Variants in FRAS1 observed in about 807,000 individuals in gnomAD.
The protein encoded by FRAS1 is extracellular matrix organizing protein FRAS1.
A neutral mutation model predicts 435.2 loss-of-function variants in FRAS1; 290 were observed. The ratio of observed to expected loss-of-function variants is 0.67; its 90% CI spans 0.61 to 0.73. The LOEUF (loss-of-function observed/expected upper bound fraction) is 0.73, where lower values mean the gene tolerates loss of function less well. Among genes scored for constraint, FRAS1 ranks in the 30% least tolerant of loss-of-function variants. The probability of loss-of-function intolerance (pLI) is 0.00; values close to 1 mark genes in which losing one functional copy is unlikely to be tolerated. For synonymous variants in FRAS1, 1,800 were observed against 1,851.0 expected (o/e 0.97, Z 0.71); for missense variants, 4,860 against 5,001.5 (o/e 0.97, Z 0.85).
At chr4:78,461,655 A>C (rs969209817) in intron 47 of FRAS1, among the ~76,000 whole-genome samples, 2 of 152,236 alleles carry the variant, frequency 1.3e-5, no homozygotes, top group Non-Finnish European at 2.9e-5. Context: ...GTGAGAATAT[A>C]AAATGGTACT....
At chr4:78,088,420 T>G (rs2109892347) in intron 2 of FRAS1, among the ~76,000 whole-genome samples, 1 of 151,496 alleles carries the variant, frequency 6.6e-6, no homozygotes, top group South Asian at 2.1e-4. Context: ...AAGCCAAAAT[T>G]GACAAATGGG....
chr4:78,157,939 A>G (rs1048007532), intron 2 of FRAS1, among the ~76,000 whole-genome samples: 7 of 152,248 alleles, frequency 4.6e-5, no homozygotes, highest in Middle Eastern at 3.4e-3. Context: ...TCCTTACCCA[A>G]TTGCTTATTT....
intron 14 of FRAS1, among the ~76,000 whole-genome samples, chr4:78,290,198 C>T (rs1727820836): frequency 6.6e-6 from 1 of 152,134 alleles, no homozygotes; most frequent in African/African-American, 2.4e-5. Context: ...AAGGTTACAA[C>T]TCATAAGGTT....
chr4:78,442,899 C>T (rs555542546), intron 41 of FRAS1, among the ~76,000 whole-genome samples: 57 of 152,318 alleles, frequency 3.7e-4, no homozygotes, highest in African/African-American at 1.1e-3. Context: ...TAGAGAACTG[C>T]TGCTCTACAA....
intron 31 of FRAS1, among the ~76,000 whole-genome samples, chr4:78,411,654 C>T (rs1733340288): frequency 6.6e-6 from 1 of 152,196 alleles, no homozygotes; most frequent in Non-Finnish European, 1.5e-5. Flanking sequence ...TGGTTCAAAA[C>T]AGACCAACAC....
chr4:78,230,878 A>T (rs1306043818), intron 2 of FRAS1, among the ~76,000 whole-genome samples: 1 of 152,226 alleles, frequency 6.6e-6, no homozygotes, highest in Non-Finnish European at 1.5e-5. Flanking sequence ...TCAACTCTGT[A>T]GTCCAGGGTC....
chr4:78,114,830 C>T (rs1466254321), intron 2 of FRAS1, among the ~76,000 whole-genome samples: 1 of 152,210 alleles, frequency 6.6e-6, no homozygotes, highest in Non-Finnish European at 1.5e-5. Flanking sequence ...TTTCCTTCTC[C>T]TGCCTGATTG....
intron 2 of FRAS1, among the ~76,000 whole-genome samples, chr4:78,210,457 G>T (rs1723456133): frequency 6.6e-6 from 1 of 152,236 alleles, no homozygotes; most frequent in South Asian, 2.1e-4. Context: ...CAAATACAGT[G>T]TCTGGTGCAT....
At chr4:78,087,617 C>G (rs1045823451) in intron 2 of FRAS1, among the ~76,000 whole-genome samples, 3 of 152,270 alleles carry the variant, frequency 2.0e-5, no homozygotes, top group African/African-American at 7.2e-5. Context: ...CACAAGCATT[C>G]TTATACACCA....
At chr4:78,357,942 G>T (rs1308324353) in intron 20 of FRAS1, among the ~76,000 whole-genome samples, 1 of 151,986 alleles carries the variant, frequency 6.6e-6, no homozygotes, top group Admixed American at 6.6e-5. Flanking sequence ...TATCTCCTGT[G>T]CCCTGGGTTC....
At position 78,477,974 on chromosome 4, in the gene FRAS1, G is replaced by A. The variant is rs760160124; in HGVS notation, c.8011G>A (p.Glu2671Lys). 1.1e-5 allele frequency: 18 copies of A among 1,612,730 alleles called. No individual in the cohort carries two copies. The highest frequency in any genetic ancestry group is 1.3e-5 in the African/African-American group (1 of 75,048). The change falls in exon 55 of 74, where the codon GAG (glutamate) becomes AAG (lysine). Residue 2671 changes from glutamate (E) to lysine (K), a missense_variant. Physicochemically the swap from Glu to Lys is moderately conservative, Grantham distance 56 (BLOSUM62 1). Coordinates refer to ENST00000512123, the MANE Select transcript of FRAS1 (RefSeq NM_025074.7). ...TQAKVIINDT[E>K]DEPTLEFDKK... ...GGCGAAGGTCATTATCAACGATACCGAGGATGAACCCACATTAGAGTTTGA... is the reference window on the plus strand; with the variant it reads ...GGCGAAGGTCATTATCAACGATACCAAGGATGAACCCACATTAGAGTTTGA...
chr4:78,421,824 A>G, intron 33 of FRAS1, 39 bp from the exon 34 acceptor site: 1 of 1,611,072 alleles, frequency 6.2e-7, no homozygotes, highest in Non-Finnish European at 8.5e-7. Flanking sequence ...CAGTGATGAG[A>G]ATTACTGTTG....
intron 2 of FRAS1, among the ~76,000 whole-genome samples, chr4:78,088,921 A>G (rs568013643): frequency 1.2e-3 from 188 of 152,312 alleles, no homozygotes; most frequent in African/African-American, 4.3e-3. Context: ...CAGCAATCCC[A>G]TTACTGGGTA....
At chr4:78,538,816 G>A (rs1006221498) in intron 72 of FRAS1, among the ~76,000 whole-genome samples, 12 of 152,078 alleles carry the variant, frequency 7.9e-5, no homozygotes, top group African/African-American at 2.7e-4. Flanking sequence ...TTAGCCTGGT[G>A]TGGTGGCAGG....
chr4:78,425,901 G>A (rs1412861268), intron 35 of FRAS1, among the ~76,000 whole-genome samples: 1 of 152,102 alleles, frequency 6.6e-6, no homozygotes. Flanking sequence ...TTTGGGAGGT[G>A]TGAGGAGGGA....
At chr4:78,423,694 A>C (rs1447776530) in intron 34 of FRAS1, among the ~76,000 whole-genome samples, 6 of 152,202 alleles carry the variant, frequency 3.9e-5, no homozygotes, top group Admixed American at 6.5e-5. Context: ...AATTAGATTG[A>C]AAATCTCTAA....
chr4:78,217,151 T>C (rs983201023), intron 2 of FRAS1, among the ~76,000 whole-genome samples: 1 of 152,174 alleles, frequency 6.6e-6, no homozygotes, highest in East Asian at 1.9e-4. Flanking sequence ...ATGTCCCAGC[T>C]GAAGGAGAGA....
At chr4:78,472,440 C>G in intron 52 of FRAS1, 110 bp downstream of exon 52, 3 of 930,416 alleles carry the variant, frequency 3.2e-6, no homozygotes. Context: ...CCCAAGTAAC[C>G]ACTTTGCAGA....
At chr4:78,087,412 A>G (rs2109889553) in intron 2 of FRAS1, among the ~76,000 whole-genome samples, 1 of 152,286 alleles carries the variant, frequency 6.6e-6, no homozygotes, top group South Asian at 2.1e-4. Flanking sequence ...ATAGTGTTGG[A>G]AGTTCTGGCC....
Sources: gnomAD v4.1 joint callset for allele counts (sites outside exome capture counted in the v4.1 genomes callset) on GRCh38, gnomAD v4.1.1 for gene constraint, MANE v1.5 for transcripts, NCBI Gene and HGNC (gene_info 2026-07-23, HGNC 2026-07-21) for gene names.